The following CFAP61 variants were observed in gnomAD, a reference collection of about 807,000 sequenced individuals.
CFAP61 encodes the protein cilia- and flagella-associated protein 61.
A neutral mutation model predicts 135.6 loss-of-function variants in CFAP61; 107 were observed. The ratio of observed to expected loss-of-function variants is 0.79; its 90% confidence interval spans 0.67 to 0.93. CFAP61 has a LOEUF of 0.93. Ranked by LOEUF, CFAP61 falls within the 40% of genes least tolerant of loss-of-function variation. CFAP61 has a pLI of 0.00. For synonymous variants in CFAP61, 575 were observed against 578.5 expected (o/e 0.99, Z 0.09); for missense variants, 1,507 against 1,556.2 (o/e 0.97, Z 0.53).
intron 9 of CFAP61, among the ~76,000 whole-genome samples, chr20:20,150,793 C>T (rs761677292): frequency 9.9e-5 from 15 of 152,252 alleles, no homozygotes; most frequent in Non-Finnish European, 2.1e-4. Context: ...TTACCAGACC[C>T]AGAAGAGAAA....
chr20:20,318,858 T>G (rs1388913039), intron 25 of CFAP61, among the ~76,000 whole-genome samples: 1 of 152,226 alleles, frequency 6.6e-6, no homozygotes, highest in African/African-American at 2.4e-5. Flanking sequence ...TTACTGGATG[T>G]ATTCACAGAC....
chr20:20,231,245 G>C (rs539855574), intron 18 of CFAP61, among the ~76,000 whole-genome samples: 31 of 152,232 alleles, frequency 2.0e-4, no homozygotes, highest in South Asian at 4.1e-4. Context: ...TATTTTATCT[G>C]CTAGCTGTGT....
chr20:20,289,883 GT>G (rs1232181404), intron 23 of CFAP61, among the ~76,000 whole-genome samples: 1 of 152,238 alleles, frequency 6.6e-6, no homozygotes, highest in Non-Finnish European at 1.5e-5. Context: ...AAAGAACTTT[GT>G]TGATAGTCCT....
chr20:20,295,330 C>T (rs895451249), intron 24 of CFAP61, among the ~76,000 whole-genome samples: 1 of 152,188 alleles, frequency 6.6e-6, no homozygotes, highest in Non-Finnish European at 1.5e-5. Flanking sequence ...GACACCTGGG[C>T]TCCCTTTCTT....
chr20:20,107,949 T>C (rs375797815), intron 8 of CFAP61, among the ~76,000 whole-genome samples: 10 of 152,248 alleles, frequency 6.6e-5, no homozygotes, highest in African/African-American at 2.2e-4. Context: ...TGAGTACTGA[T>C]TTAAGTCTAC....
intron 10 of CFAP61, among the ~76,000 whole-genome samples, chr20:20,161,247 T>C (rs1360133315): frequency 1.3e-5 from 2 of 152,122 alleles, no homozygotes; most frequent in Non-Finnish European, 2.9e-5. Context: ...CAAGCAAGGA[T>C]GTGGTTGGAG....
At chr20:20,154,707 T>C (rs1026262592) in intron 9 of CFAP61, among the ~76,000 whole-genome samples, 3 of 151,648 alleles carry the variant, frequency 2.0e-5, no homozygotes, top group Non-Finnish European at 4.4e-5. Flanking sequence ...CCTAGGAATA[T>C]ACTTAACCAA....
intron 21 of CFAP61, among the ~76,000 whole-genome samples, chr20:20,274,107 A>G (rs1647902755): frequency 6.6e-6 from 1 of 152,232 alleles, no homozygotes; most frequent in African/African-American, 2.4e-5. Context: ...CTGTATGACA[A>G]CATTATATAT....
chr20:20,210,372 A>G (rs1417745947), intron 17 of CFAP61, among the ~76,000 whole-genome samples: 1 of 152,118 alleles, frequency 6.6e-6, no homozygotes, highest in Non-Finnish European at 1.5e-5. Context: ...ATCAACTTTG[A>G]CTTTTGATGC....
intron 9 of CFAP61, among the ~76,000 whole-genome samples, chr20:20,144,282 A>G (rs929825384): frequency 2.6e-5 from 4 of 152,216 alleles, no homozygotes; most frequent in African/African-American, 7.2e-5. Flanking sequence ...ACCTACATAC[A>G]TATGAAAACA....
chr20:20,312,849 G>A (rs535664487), intron 25 of CFAP61, among the ~76,000 whole-genome samples: 8 of 152,132 alleles, frequency 5.3e-5, no homozygotes, highest in Admixed American at 1.3e-4. Context: ...TATATATTAT[G>A]TAACAGCTCC....
chr20:20,141,495 C>T (rs2051398980), intron 8 of CFAP61, among the ~76,000 whole-genome samples: 1 of 152,156 alleles, frequency 6.6e-6, no homozygotes, highest in African/African-American at 2.4e-5. Context: ...AAGTGATTTA[C>T]CCTCTCTTCT....
At chr20:20,271,736 G>T (rs1028733642) in intron 21 of CFAP61, among the ~76,000 whole-genome samples, 7 of 152,164 alleles carry the variant, frequency 4.6e-5, no homozygotes, top group Non-Finnish European at 1.0e-4. Flanking sequence ...CCTTTATGGG[G>T]AATCCACCCA....
At chr20:20,173,299 G>A (rs768391475) in intron 13 of CFAP61, among the ~76,000 whole-genome samples, 1 of 152,216 alleles carries the variant, frequency 6.6e-6, no homozygotes, top group Non-Finnish European at 1.5e-5. Context: ...CTACCAAAGA[G>A]TGCAATTGCT....
intron 17 of CFAP61, chr20:20,200,930 A>G (rs532838052): frequency 6.9e-4 from 682 of 985,380 alleles, no homozygotes; most frequent in Non-Finnish European, 8.0e-4. Context: ...CATCAGACCA[A>G]CTCAGAGGCA....
chr20:20,239,013 T>G lies in CFAP61; in HGVS notation c.2061-7104T>G, dbSNP rs189985320. 6.6e-5 allele frequency among the ~76,000 whole-genome samples: 10 copies of G among 152,034 alleles called. 1 individual carries two copies. In the East Asian group the frequency reaches 9.7e-4, roughly 15 times the overall value. On this transcript the variant is annotated intron_variant, in intron 18 of 26. Transcript: ENST00000245957. ...TGATTTTGGAGCTGAGGGCTCACGG[T>G]GATGTTAGATATTGTTTATATACAT... is the stretch of plus-strand genomic sequence containing the variant.
chr20:20,324,955 A>G (rs185849327), intron 25 of CFAP61, among the ~76,000 whole-genome samples: 4 of 152,338 alleles, frequency 2.6e-5, no homozygotes, highest in Admixed American at 2.0e-4. Flanking sequence ...CTTATTATGT[A>G]CATTGCAAAT....
rs868094730 is a variant in CFAP61, at chr20:20,320,421, T to A, written c.3423-21410T>A. Among the ~76,000 whole-genome samples the A allele has an allele frequency of 1.7e-3, 104 of 62,400 alleles. 8 individuals carry two copies. Among genetic ancestry groups the A allele is most frequent in the Middle Eastern group, 0.016 (2 of 126 alleles). The allele number at this position is 62,400 out of a possible 152,430, so 40.9% of individuals were successfully genotyped here. ...TATATGTAATATATGTAATATATATTATATATGTAATATAATATATGTAAT... is the reference window on the plus strand; with the variant it reads ...TATATGTAATATATGTAATATATATAATATATGTAATATAATATATGTAAT... On this transcript the variant is annotated intron_variant, in intron 25 of 26. Coordinates refer to ENST00000245957, the MANE Select transcript of CFAP61 (RefSeq NM_015585.4).
At chr20:20,136,123 G>C (rs1694509104) in intron 8 of CFAP61, among the ~76,000 whole-genome samples, 1 of 151,980 alleles carries the variant, frequency 6.6e-6, no homozygotes, top group African/African-American at 2.4e-5. Flanking sequence ...GCTGCTTTGT[G>C]TATTATTTGT....
Sources: allele counts gnomAD v4.1 joint callset (sites outside exome capture counted in the v4.1 genomes callset), GRCh38; gene constraint gnomAD v4.1.1; transcripts MANE v1.5; gene names NCBI Gene and HGNC (gene_info 2026-07-23, HGNC 2026-07-21).